CDH20: variants seen among roughly 807,000 people sequenced by gnomAD.
CDH20 encodes the protein cadherin 20, also known as cadherin-20.
A neutral mutation model predicts 74.2 loss-of-function variants in CDH20; 29 were observed. The ratio of observed to expected loss-of-function variants is 0.39; its 90% CI spans 0.29 to 0.53. The LOEUF (loss-of-function observed/expected upper bound fraction) is 0.53, where lower values mean the gene tolerates loss of function less well. Among genes scored for constraint, CDH20 ranks in the 20% least tolerant of loss-of-function variants. The pLI, the probability that CDH20 is intolerant of heterozygous loss-of-function variation, is 0.69. For synonymous variants in CDH20, 469 were observed against 405.4 expected, an observed-to-expected ratio of 1.16 and a Z score of -1.88; for missense variants, 988 against 1,048.3, an observed-to-expected ratio of 0.94 and a Z score of 0.79.
intron 11 of CDH20, among the ~76,000 whole-genome samples, chr18:61,552,637 G>A (rs947953253): frequency 6.6e-6 from 1 of 152,138 alleles, no homozygotes. Flanking sequence ...CTCTCCCAGT[G>A]ACACTTGTGG....
At chr18:61,429,389 T>TA (rs1009494232) in intron 1 of CDH20, among the ~76,000 whole-genome samples, 70 of 152,284 alleles carry the variant, frequency 4.6e-4, no homozygotes, top group African/African-American at 1.7e-3. Context: ...CCAACTTGAC[T>TA]AAAAGTTGGC....
rs1296029179 is a variant in CDH20, at chr18:61,554,508, C to T, written c.2219C>T (p.Pro740Leu). 1.9e-6 allele frequency: 3 copies of T among 1,612,780 alleles called. No individual in the cohort carries two copies. Among genetic ancestry groups the T allele is most frequent in the Non-Finnish European group, 2.5e-6 (3 of 1,179,754 alleles). ...GAGGCCGACATGGACCTGTGGGCAC[C>T]GCCCTTCGACTCCCTCCAGACGTAT... is the stretch of plus-strand genomic sequence containing the variant. ...LYEADMDLWA[P>L]PFDSLQTYMF... The change falls in exon 12 of 12, where the codon CCG (proline) becomes CTG (leucine). Residue 740 changes from proline to leucine, a missense_variant. Pro to Leu is a moderately conservative substitution (Grantham distance 98, BLOSUM62 -3). Around this residue, in one of 2 missense-constraint regions of CDH20, gnomAD observed 375 missense variants for 293.1 expected, o/e 1.28. Transcript: ENST00000262717.
intron 1 of CDH20, among the ~76,000 whole-genome samples, chr18:61,449,354 G>A (rs1299779717): frequency 2.0e-5 from 3 of 152,062 alleles, no homozygotes; most frequent in Non-Finnish European, 2.9e-5. Flanking sequence ...AACACTCTAA[G>A]CAATGAGTTC....
chr18:61,552,454 A>G (rs1913468874), intron 11 of CDH20, among the ~76,000 whole-genome samples: 1 of 151,974 alleles, frequency 6.6e-6, no homozygotes, highest in South Asian at 2.1e-4. Context: ...GACTAGTTCT[A>G]TATAAACGGC....
At chr18:61,391,663 G>A (rs1003120294) in intron 1 of CDH20, 8 of 151,784 alleles carry the variant, frequency 5.3e-5, no homozygotes, top group Non-Finnish European at 8.8e-5. Context: ...TGGCCCCTGC[G>A]CAAAGATGAC....
chr18:61,479,007 G>T (rs879936992), intron 1 of CDH20, among the ~76,000 whole-genome samples: 1 of 151,876 alleles, frequency 6.6e-6, no homozygotes, highest in Admixed American at 6.6e-5. Flanking sequence ...TAACATGTAA[G>T]TGTGTACACT....
At chr18:61,335,130 C>T (rs1001883877) in intron 1 of CDH20, among the ~76,000 whole-genome samples, 24 of 152,150 alleles carry the variant, frequency 1.6e-4, no homozygotes, top group African/African-American at 5.8e-4. Flanking sequence ...GCTCACCTTC[C>T]TCAGCCGCCT....
chr18:61,428,468 A>AAG (rs1913147021), intron 1 of CDH20, among the ~76,000 whole-genome samples: 1 of 152,176 alleles, frequency 6.6e-6, no homozygotes, highest in African/African-American at 2.4e-5. Flanking sequence ...CAAAAGCGGT[A>AAG]GCACAGCCAC....
intron 1 of CDH20, among the ~76,000 whole-genome samples, chr18:61,448,513 G>A (rs1473065502): frequency 6.6e-6 from 1 of 152,196 alleles, no homozygotes. Flanking sequence ...TGCCCTTTCA[G>A]GAAGTGCGAC....
chr18:61,550,280 A>G lies in CDH20; in HGVS notation c.1900+51A>G, dbSNP rs118049869. 8,059 of 1,581,076 alleles carry G rather than the reference A, an allele frequency of 5.1e-3. 262 individuals carry two copies. The East Asian group carries it at 0.07, about 14-fold the overall frequency. On this transcript the variant is annotated intron_variant, in intron 11 of 11. Coordinates refer to ENST00000262717, the MANE Select transcript of CDH20 (RefSeq NM_031891.4). Reference sequence around the variant, plus strand: ...TGTGGAGTCCTGCCAGTGCGCACTCAGACATTTGTTCATTACCTTCCTGAC... The same window carrying G: ...TGTGGAGTCCTGCCAGTGCGCACTCGGACATTTGTTCATTACCTTCCTGAC...
intron 1 of CDH20, among the ~76,000 whole-genome samples, chr18:61,475,562 A>C (rs1321828507): frequency 1.3e-5 from 2 of 152,222 alleles, no homozygotes; most frequent in Admixed American, 1.3e-4. Context: ...GCCAAGCCAC[A>C]GATTTTACCA....
intron 1 of CDH20, among the ~76,000 whole-genome samples, chr18:61,408,284 G>T (rs1015117144): frequency 6.6e-6 from 1 of 152,140 alleles, no homozygotes; most frequent in Non-Finnish European, 1.5e-5. Context: ...TTCATTTTGG[G>T]TTCAGAACTG....
At chr18:61,450,314 G>A (rs552926780) in intron 1 of CDH20, among the ~76,000 whole-genome samples, 1 of 149,736 alleles carries the variant, frequency 6.7e-6, no homozygotes, top group Admixed American at 6.7e-5. Context: ...AGGAAAATAA[G>A]TCTCAGAGTA....
At chr18:61,543,007 G>A (rs1274437984) in intron 9 of CDH20, among the ~76,000 whole-genome samples, 2 of 152,210 alleles carry the variant, frequency 1.3e-5, no homozygotes, top group East Asian at 3.9e-4. Flanking sequence ...ATTTCAACAT[G>A]AGATTTGGTG....
intron 1 of CDH20, among the ~76,000 whole-genome samples, chr18:61,403,387 G>C (rs1387961708): frequency 6.6e-6 from 1 of 152,212 alleles, no homozygotes; most frequent in Non-Finnish European, 1.5e-5. Context: ...TGTTTTGCTA[G>C]AGTTATCTTT....
intron 1 of CDH20, among the ~76,000 whole-genome samples, chr18:61,364,475 G>A (rs889849004): frequency 1.1e-4 from 17 of 152,280 alleles, no homozygotes; most frequent in African/African-American, 4.8e-5. Flanking sequence ...ACCACACCCA[G>A]CTAACTTTGT....
At chr18:61,430,357 G>C (rs1055098425) in intron 1 of CDH20, among the ~76,000 whole-genome samples, 1 of 152,094 alleles carries the variant, frequency 6.6e-6, no homozygotes, top group Non-Finnish European at 1.5e-5. Flanking sequence ...CAGAGGTAAA[G>C]TACTATTCTC....
At chr18:61,515,698 A>G (rs1039335578) in intron 6 of CDH20, among the ~76,000 whole-genome samples, 60 of 146,420 alleles carry the variant, frequency 4.1e-4, no homozygotes, top group Non-Finnish European at 3.7e-4. Context: ...CAAACACTGC[A>G]TATTCTCACT....
At chr18:61,411,492 G>A (rs1599066693) in intron 1 of CDH20, among the ~76,000 whole-genome samples, 2 of 151,332 alleles carry the variant, frequency 1.3e-5, no homozygotes, top group Non-Finnish European at 2.9e-5. Flanking sequence ...TTGCAAAAAC[G>A]TGGAACCAAC....
Sources: gnomAD v4.1 joint callset for allele counts (sites outside exome capture counted in the v4.1 genomes callset) on GRCh38, gnomAD v4.1.1 for gene constraint, gnomAD v4.1.1 regional missense constraint, MANE v1.5 for transcripts, NCBI Gene and HGNC (gene_info 2026-07-23, HGNC 2026-07-21) for gene names.